Variants in NRXN3 observed in about 807,000 individuals in gnomAD.
NRXN3 encodes the protein neurexin III.
In NRXN3, 32 loss-of-function variants were observed where a neutral mutation model predicts 137.6. That is an observed-to-expected ratio of 0.23 (90% CI 0.18 to 0.31). NRXN3 has a LOEUF of 0.31. Ranked by LOEUF, NRXN3 falls within the 10% of genes least tolerant of loss-of-function variation. The pLI is 1.00. For synonymous variants in NRXN3, 798 were observed against 784.5 expected (o/e 1.02, Z -0.29); for missense variants, 1,574 against 2,062.5 (o/e 0.76, Z 4.59).
chr14:78,818,313 C>G (rs766127409), intron 10 of NRXN3, among the ~76,000 whole-genome samples: 3 of 151,998 alleles, frequency 2.0e-5, no homozygotes, highest in Non-Finnish European at 4.4e-5. Context: ...ATAGTATATG[C>G]TTGGTAAATA....
chr14:79,547,936 A>G (rs2097336632), intron 16 of NRXN3, among the ~76,000 whole-genome samples: 1 of 152,152 alleles, frequency 6.6e-6, no homozygotes, highest in African/African-American at 2.4e-5. Flanking sequence ...AACTTTAACA[A>G]TGCAGGGGAG....
At chr14:78,792,040 G>C (rs2098806568) in intron 8 of NRXN3, among the ~76,000 whole-genome samples, 1 of 150,604 alleles carries the variant, frequency 6.6e-6, no homozygotes. Context: ...CAAAGCAACA[G>C]AACAATAAAG....
rs183572106 is a variant in NRXN3 at position 78,803,489 on chromosome 14, G to A, written c.2045-131G>A. On this transcript the variant is annotated intron_variant, in intron 8 of 20. Coordinates refer to ENST00000335750, the MANE Select transcript of NRXN3 (RefSeq NM_001330195.2). ...ACAGATTAAAAGGTGGTAACAACAA[G>A]GGTTCATCAAACACAAGTCACTAGG... The A allele has an allele frequency of 3.9e-6, 3 of 779,106 alleles. No homozygotes were observed. The East Asian group carries it at 7.5e-5, about 20-fold the overall frequency. 48.3% of individuals were successfully genotyped at this position (779,106 alleles called of 1,614,324 possible).
At position 78,943,647 on chromosome 14, in the gene NRXN3, T is replaced by A. The variant is rs867622750; in HGVS notation, c.2276-13595T>A. Among the ~76,000 whole-genome samples the A allele has an allele frequency of 8.6e-3, 485 of 56,472 alleles. 39 individuals carry two copies. Among genetic ancestry groups the A allele is most frequent in the African/African-American group, 0.044 (366 of 8,242 alleles). The allele number at this position is 56,472 out of a possible 152,430, so 37.0% of individuals were successfully genotyped here. A position where few individuals can be genotyped will look rare whatever the true frequency, so the allele number is the denominator to read the frequency against. ...ATATATATATATATATATATATATA[T>A]ATATATATATATATATATATATATA... On this transcript the variant is annotated intron_variant, in intron 10 of 20. Coordinates refer to ENST00000335750, the MANE Select transcript of NRXN3 (RefSeq NM_001330195.2).
At chr14:79,477,195 G>C (rs1018338662) in intron 16 of NRXN3, among the ~76,000 whole-genome samples, 1 of 151,952 alleles carries the variant, frequency 6.6e-6, no homozygotes, top group Non-Finnish European at 1.5e-5. Context: ...ACCTGATGAA[G>C]ATACCAGCAT....
intron 16 of NRXN3, among the ~76,000 whole-genome samples, chr14:79,498,821 G>T (rs139596416): frequency 5.3e-5 from 8 of 152,242 alleles, no homozygotes; most frequent in African/African-American, 1.7e-4. Flanking sequence ...GTCTTGCTCT[G>T]TGTCCCATGC....
At chr14:78,971,213 T>C (rs149991277) in intron 14 of NRXN3, among the ~76,000 whole-genome samples, 1 of 152,110 alleles carries the variant, frequency 6.6e-6, no homozygotes, top group South Asian at 2.1e-4. Context: ...ATTTTTATTC[T>C]GAATCTCTTG....
rs140372200 is a variant in NRXN3 at position 79,594,927 on chromosome 14, G to GT, written c.3445-68845dup. Among the ~76,000 whole-genome samples, 3,414 of 152,192 alleles carry GT rather than the reference G, an allele frequency of 0.022. 217 individuals carry two copies. The East Asian group carries it at 0.25, about 11-fold the overall frequency. ...GACATCAAGATAATTTTACTTCTTA[G>GT]TTTTTTCACATGTTAGGCAATTCCA... On this transcript the variant is annotated intron_variant, in intron 16 of 20. Coordinates refer to ENST00000335750, the MANE Select transcript of NRXN3 (RefSeq NM_001330195.2).
At chr14:79,083,031 G>T (rs1434103710) in intron 15 of NRXN3, among the ~76,000 whole-genome samples, 1 of 152,030 alleles carries the variant, frequency 6.6e-6, no homozygotes, top group African/African-American at 2.4e-5. Context: ...CATTTTTTCT[G>T]CCTCCTTCAT....
At chr14:79,516,356 A>T (rs1017997565) in intron 16 of NRXN3, among the ~76,000 whole-genome samples, 2 of 152,074 alleles carry the variant, frequency 1.3e-5, no homozygotes, top group African/African-American at 4.8e-5. Context: ...CAGACACTGG[A>T]CTCAGATGCT....
intron 15 of NRXN3, among the ~76,000 whole-genome samples, chr14:79,057,889 A>T (rs1441556182): frequency 2.6e-5 from 4 of 152,044 alleles, no homozygotes; most frequent in Admixed American, 2.6e-4. Flanking sequence ...GGCTTTACTC[A>T]TTTTTTTTCT....
intron 19 of NRXN3, among the ~76,000 whole-genome samples, chr14:79,728,108 A>G (rs1400149936): frequency 6.6e-6 from 1 of 152,202 alleles, no homozygotes; most frequent in Middle Eastern, 3.2e-3. Context: ...GCTAGGGTAG[A>G]GTACTTTAGA....
intron 15 of NRXN3, among the ~76,000 whole-genome samples, chr14:79,454,853 G>T (rs866347298): frequency 6.6e-6 from 1 of 152,052 alleles, no homozygotes; most frequent in African/African-American, 2.4e-5. Context: ...GTAAAGTAAT[G>T]AATTTTGTTA....
intron 4 of NRXN3, among the ~76,000 whole-genome samples, chr14:78,556,870 C>T (rs1039495130): frequency 6.7e-6 from 1 of 149,044 alleles, no homozygotes; most frequent in African/African-American, 2.5e-5. Context: ...CCTCTCTTCT[C>T]CTCTCCTCTC....
intron 20 of NRXN3, among the ~76,000 whole-genome samples, chr14:79,855,683 G>A (rs528257536): frequency 3.0e-4 from 46 of 152,126 alleles, no homozygotes; most frequent in African/African-American, 1.0e-3. Context: ...AAATAAAAAA[G>A]GGTTAGAAGA....
chr14:79,306,736 G>A (rs1023897219), intron 15 of NRXN3, among the ~76,000 whole-genome samples: 3 of 151,976 alleles, frequency 2.0e-5, no homozygotes, highest in African/African-American at 4.8e-5. Context: ...CCCAGTTGTC[G>A]GCAAATTGCA....
intron 15 of NRXN3, among the ~76,000 whole-genome samples, chr14:79,370,388 G>T (rs543133712): frequency 2.8e-5 from 4 of 140,790 alleles, no homozygotes; most frequent in African/African-American, 1.1e-4. Flanking sequence ...GCGCCATCTT[G>T]GCTCACTGCA....
intron 4 of NRXN3, 107 bp downstream of exon 4, chr14:78,297,967 C>G (rs1393745095): frequency 2.3e-6 from 3 of 1,311,822 alleles, no homozygotes; most frequent in Middle Eastern, 1.9e-4. Flanking sequence ...CGCTGCCTGT[C>G]CTTCCTGCGC....
intron 10 of NRXN3, among the ~76,000 whole-genome samples, chr14:78,930,273 G>A (rs1241205429): frequency 6.6e-6 from 1 of 152,206 alleles, no homozygotes; most frequent in Non-Finnish European, 1.5e-5. Context: ...GACGCTGAGA[G>A]AGAGTATCAT....
Sources: gnomAD v4.1 joint callset for allele counts (sites outside exome capture counted in the v4.1 genomes callset) on GRCh38, gnomAD v4.1.1 for gene constraint, MANE v1.5 for transcripts, NCBI Gene and HGNC (gene_info 2026-07-23, HGNC 2026-07-21) for gene names.